Variants in DNAH9 observed in about 807,000 individuals in gnomAD.
The protein encoded by DNAH9 is dynein axonemal heavy chain 9.
A neutral mutation model predicts 471.6 loss-of-function variants in DNAH9; 345 were observed. The ratio of observed to expected loss-of-function variants is 0.73; its 90% CI spans 0.67 to 0.80. The LOEUF (loss-of-function observed/expected upper bound fraction) is 0.80, where lower values mean the gene tolerates loss of function less well. Among genes scored for constraint, DNAH9 ranks in the 30% least tolerant of loss-of-function variants. DNAH9 has a pLI of 0.00. For missense variants in DNAH9, 5,407 were observed against 5,609.2 expected (o/e 0.96, Z 1.15); for synonymous variants, 2,093 against 2,123.6 (o/e 0.99, Z 0.40).
chr17:11,849,654 T>C (rs1468991315), intron 49 of DNAH9, among the ~76,000 whole-genome samples: 2 of 152,242 alleles, frequency 1.3e-5, no homozygotes, highest in Non-Finnish European at 2.9e-5. Flanking sequence ...ATGTAGCTTC[T>C]TGAAGATGCC....
chr17:11,718,065 T>A (rs752881455), intron 26 of DNAH9, among the ~76,000 whole-genome samples: 1 of 152,082 alleles, frequency 6.6e-6, no homozygotes, highest in Non-Finnish European at 1.5e-5. Flanking sequence ...TGTGTAGATA[T>A]GGGGTTTTGC....
intron 28 of DNAH9, among the ~76,000 whole-genome samples, chr17:11,728,180 A>G (rs1434538046): frequency 6.6e-6 from 1 of 152,182 alleles, no homozygotes; most frequent in Non-Finnish European, 1.5e-5. Flanking sequence ...GAGAGAAAGA[A>G]TATCTGTCCT....
intron 49 of DNAH9, among the ~76,000 whole-genome samples, chr17:11,837,728 C>T (rs1437619722): frequency 3.3e-5 from 5 of 152,182 alleles, no homozygotes; most frequent in South Asian, 2.1e-4. Context: ...GAATAAAACC[C>T]GAAGATGTCA....
intron 12 of DNAH9, among the ~76,000 whole-genome samples, chr17:11,648,355 C>T (rs966060730): frequency 1.5e-4 from 23 of 152,198 alleles, no homozygotes; most frequent in African/African-American, 5.1e-4. Context: ...GTCTGTTTAA[C>T]TTACTGAACT....
Position 11,822,785 on chromosome 17 carries a change from T to G in DNAH9, c.9013-16T>G. The G allele has an allele frequency of 1.2e-6, 2 of 1,613,558 alleles. No homozygotes were observed. Among genetic ancestry groups the G allele is most frequent in the Non-Finnish European group, 1.7e-6 (2 of 1,179,510 alleles). The stretch of plus-strand genomic sequence containing the variant: ...AACACAAGATAATCTTTTCATTTCT[T>G]GCTCTTTGGTTTTAGCCCACAGTAA... On this transcript the variant is annotated splice_polypyrimidine_tract_variant and intron_variant, in intron 47 of 68. Coordinates refer to ENST00000262442, the MANE Select transcript of DNAH9 (RefSeq NM_001372.4).
chr17:11,876,967 C>T (rs1162487062), intron 53 of DNAH9, among the ~76,000 whole-genome samples: 2 of 151,780 alleles, frequency 1.3e-5, no homozygotes, highest in Admixed American at 1.3e-4. Context: ...ACCTTGTGAT[C>T]TGCCTGCCTC....
At chr17:11,838,375 T>A (rs1027527433) in intron 49 of DNAH9, among the ~76,000 whole-genome samples, 1 of 152,200 alleles carries the variant, frequency 6.6e-6, no homozygotes, top group African/African-American at 2.4e-5. Flanking sequence ...ACTATGTGCA[T>A]GTGTTACATT....
Position 11,689,657 on chromosome 17 carries a change from G to T in DNAH9, c.3835G>T (p.Ala1279Ser). 1 of 1,614,144 alleles carries T rather than the reference G, an allele frequency of 6.2e-7. No individual in the cohort carries two copies. The highest frequency in any genetic ancestry group is 8.5e-7 in the Non-Finnish European group (1 of 1,180,016). Residue 1279 changes from alanine to serine, a missense_variant, in exon 20 of 69, where the codon GCC becomes TCC. Physicochemically the swap from Ala to Ser is moderately conservative, Grantham distance 99. Around this residue, in one of 3 missense-constraint regions of DNAH9, gnomAD observed 4,636 missense variants for 4,900.3 expected, o/e 0.95. Transcript: ENST00000262442. ...ESTMASISES[A>S]SLFEVNVPDY... The stretch of plus-strand genomic sequence containing the variant: ...CACTATGGCCTCCATTTCTGAGTCT[G>T]CCAGCTTATTTGAAGTCAATGTCCC...
In DNAH9 at chr17:11,608,305, G is replaced by A. The variant is rs374405924; in HGVS notation, c.594G>A (p.Ala198=). ...LPAGSEKMEF[A]DSKSETVLDS... is the part of the protein sequence containing the mutation. ...CAGGCTCAGAAAAAATGGAGTTTGC[G>A]GATTCCAAAAGTGAGACAGTGTAAG... The change falls in exon 2 of 69, where the codon GCG becomes GCA. Residue 198 remains alanine, a synonymous_variant. Coordinates refer to ENST00000262442, the MANE Select transcript of DNAH9 (RefSeq NM_001372.4). 5.2e-5 allele frequency: 83 copies of A among 1,609,896 alleles called. No homozygotes were observed. Among genetic ancestry groups the A allele is most frequent in the Middle Eastern group, 1.6e-4 (1 of 6,076 alleles).
chr17:11,826,625 ATTTTT>A (rs952573383), intron 48 of DNAH9, among the ~76,000 whole-genome samples: 1 of 145,838 alleles, frequency 6.9e-6, no homozygotes, highest in Admixed American at 6.8e-5. Context: ...TGCCCGGCTA[ATTTTT>A]TTTTTGTATG....
intron 46 of DNAH9, 92 bp downstream of exon 46, chr17:11,822,154 T>C: frequency 1.4e-6 from 2 of 1,432,784 alleles, no homozygotes; most frequent in Non-Finnish European, 9.4e-7. Flanking sequence ...TCCTTATTGA[T>C]TGTCTAGAGT....
chr17:11,769,325 G>A lies in DNAH9; in HGVS notation c.7548G>A (p.Leu2516=). The part of the protein sequence containing the change: ...PFNYYTTSAM[L]QAVLEKPLEK... ...ACTACTACACCACGTCAGCAATGCTGCAGGGTAAGCAGCCCAGGGCACCTG... is the reference window on the plus strand; with the variant it reads ...ACTACTACACCACGTCAGCAATGCTACAGGGTAAGCAGCCCAGGGCACCTG... The change falls in exon 38 of 69, where the codon CTG becomes CTA. Residue 2516 remains leucine, a synonymous_variant. Coordinates refer to ENST00000262442, the MANE Select transcript of DNAH9 (RefSeq NM_001372.4). 1.9e-6 allele frequency: 3 copies of A among 1,608,866 alleles called. No individual in the cohort carries two copies. The highest frequency in any genetic ancestry group is 1.1e-5 in the South Asian group (1 of 90,358).
At chr17:11,916,493 C>T (rs1214808781) in intron 61 of DNAH9, among the ~76,000 whole-genome samples, 1 of 152,214 alleles carries the variant, frequency 6.6e-6, no homozygotes, top group Non-Finnish European at 1.5e-5. Flanking sequence ...GTGACATCCA[C>T]ATTTCCCACA....
In DNAH9 at chr17:11,831,690, C is replaced by G. The variant is rs1307873923; in HGVS notation, c.9247-2948C>G. The stretch of plus-strand genomic sequence containing the variant: ...CTGCCTGAAGAAAGAAAGTTCTCCC[C>G]CACAGGCAATGCGGGGAAAACACTC... On this transcript the variant is annotated intron_variant, in intron 48 of 68. Transcript: ENST00000262442. Among the ~76,000 whole-genome samples the G allele has an allele frequency of 2.0e-5, 3 of 152,208 alleles. No individual in the cohort carries two copies. In the East Asian group the frequency reaches 5.8e-4, roughly 29 times the overall value.
chr17:11,880,873 G>C (rs76771165), intron 54 of DNAH9, among the ~76,000 whole-genome samples: 1,782 of 152,268 alleles, frequency 0.012, 37 homozygotes, highest in African/African-American at 0.041. Context: ...TATAAAGCAC[G>C]TTTGTGGAAA....
At chr17:11,784,149 T>A in intron 40 of DNAH9, 151 bp from the exon 41 acceptor site, 1 of 1,209,394 alleles carries the variant, frequency 8.3e-7, no homozygotes, top group South Asian at 1.5e-5. Flanking sequence ...TCATTTTAGG[T>A]TCAACCTAAA....
At chr17:11,908,403 A>G (rs1973679549) in intron 61 of DNAH9, among the ~76,000 whole-genome samples, 1 of 152,244 alleles carries the variant, frequency 6.6e-6, no homozygotes, top group African/African-American at 2.4e-5. Flanking sequence ...GGTGATTAGT[A>G]TCATGAGCAG....
intron 13 of DNAH9, among the ~76,000 whole-genome samples, chr17:11,651,991 A>G (rs896751274): frequency 2.0e-5 from 3 of 152,128 alleles, no homozygotes; most frequent in African/African-American, 7.2e-5. Context: ...CAGAAGTGTT[A>G]AAGTTTGAAA....
In DNAH9 at chr17:11,932,770, A is replaced by C. The variant is rs1330237757; in HGVS notation, c.12297+565A>C. ...ACTCACACAGTGAGTCAGTCCCATG[A>C]GAGTTTGTCCCGGGCCCCACCAGAC... On this transcript the variant is annotated intron_variant, in intron 64 of 68. Transcript: ENST00000262442. The surrounding 1 kb of genome is among the most constrained non-coding windows in gnomAD (Gnocchi z 4.3). Among the ~76,000 whole-genome samples, 1 of 152,146 alleles carries C rather than the reference A, an allele frequency of 6.6e-6. No individual in the cohort carries two copies. The highest frequency in any genetic ancestry group is 1.9e-4 in the East Asian group (1 of 5,184).
Sources: gnomAD v4.1 joint callset for allele counts (sites outside exome capture counted in the v4.1 genomes callset) on GRCh38, gnomAD v4.1.1 for gene constraint, gnomAD v4.1.1 regional missense constraint, Gnocchi (gnomAD v3.1) non-coding constraint, MANE v1.5 for transcripts, NCBI Gene and HGNC (gene_info 2026-07-23, HGNC 2026-07-21) for gene names.